EFCAB5: variants seen among roughly 807,000 people sequenced by gnomAD.
The protein encoded by EFCAB5 is EF-hand calcium binding domain 5, also known as EF-hand calcium-binding domain-containing protein 5.
A neutral mutation model predicts 167.9 loss-of-function variants in EFCAB5; 131 were observed. The ratio of observed to expected loss-of-function variants is 0.78; its 90% confidence interval spans 0.68 to 0.90. EFCAB5 has a LOEUF of 0.90. EFCAB5 is among the 40% of genes least tolerant of loss of function. The pLI is 0.00. For missense variants in EFCAB5, 1,663 were observed against 1,745.2 expected (o/e 0.95, Z 0.84); for synonymous variants, 574 against 602.8 (o/e 0.95, Z 0.70).
In EFCAB5 at chr17:30,057,610, T is replaced by C; in HGVS notation, c.2366-66T>C. 2.2e-6 allele frequency: 3 copies of C among 1,342,000 alleles called. No individual in the cohort carries two copies. In the East Asian group the frequency reaches 6.9e-5, roughly 31 times the overall value. The allele number at this position is 1,342,000 out of a possible 1,614,324, so 83.1% of individuals were successfully genotyped here. A position where few individuals can be genotyped will look rare whatever the true frequency, so the allele number is the denominator to read the frequency against. Reference sequence around the variant, plus strand: ...GGCAGATATTCATTACAATAGGCACTCATTTATTTTCCCTAACTGAAAAAA... The same window carrying C: ...GGCAGATATTCATTACAATAGGCACCCATTTATTTTCCCTAACTGAAAAAA... On this transcript the variant is annotated intron_variant, in intron 12 of 22. Coordinates refer to ENST00000394835, the MANE Select transcript of EFCAB5 (RefSeq NM_198529.4).
chr17:29,963,551 A>G (rs764571758), intron 3 of EFCAB5, among the ~76,000 whole-genome samples: 26 of 152,202 alleles, frequency 1.7e-4, no homozygotes, highest in Non-Finnish European at 3.4e-4. Context: ...GAGTAATTCT[A>G]TCCTCATAGA....
In EFCAB5 at chr17:30,055,322, GAGGAAGGAAGGAAGGAAGGA is replaced by G. The variant is rs71138869; in HGVS notation, c.2195-522_2195-503del. On this transcript the variant is annotated intron_variant, in intron 10 of 22. Transcript: ENST00000394835. The stretch of plus-strand genomic sequence containing the variant: ...GAAAGAAAGAAAGAAGAGAGAGAGA[GAGGAAGGAAGGAAGGAAGGA>G]AGGAAGGAAGGAAGGAAGGAAGGAA... 6.0e-4 allele frequency among the ~76,000 whole-genome samples: 64 copies of G among 106,818 alleles called. 1 individual carries two copies. The highest frequency in any genetic ancestry group is 1.2e-3 in the East Asian group (5 of 4,010). The allele number at this position is 106,818 out of a possible 152,430, so 70.1% of individuals were successfully genotyped here.
intron 3 of EFCAB5, among the ~76,000 whole-genome samples, chr17:29,967,888 C>CG (rs1555550276): frequency 2.2e-5 from 3 of 134,856 alleles, no homozygotes; most frequent in Non-Finnish European, 4.8e-5. Context: ...ATTTCCTCAC[C>CG]TTTTTTTTTT....
chr17:30,090,545 A>G lies in EFCAB5; in HGVS notation c.3808A>G (p.Ile1270Val). 1.9e-6 allele frequency: 3 copies of G among 1,614,010 alleles called. No homozygotes were observed. Among genetic ancestry groups the G allele is most frequent in the Non-Finnish European group, 1.7e-6 (2 of 1,179,894 alleles). ...GGCTCTGGGAGTCCTCGATTTTAAC[A>G]TCGGCCAAAATAGGATGTTGTTGTG... ...GEALGVLDFN[I>V]GQNRMLLCQE... Residue 1270 changes from isoleucine (I) to valine (V), a missense_variant, in exon 20 of 23, where the codon ATC (isoleucine) becomes GTC (valine). Transcript: ENST00000394835.
chr17:30,054,039 C>A lies in EFCAB5; in HGVS notation c.2085C>A (p.Val695=). Residue 695 remains valine (V), a synonymous_variant, in exon 10 of 23, where the codon GTC becomes GTA. Transcript: ENST00000394835. ...CTATAACCTCTGAGTACATTGAAGT[C>A]CCTCTACAGGAAAAGAGGTCTTGGG... ...GEPITSEYIE[V]PLQEKRSWEQ... 6.2e-7 allele frequency: 1 copy of A among 1,604,774 alleles called. No individual in the cohort carries two copies. The highest frequency in any genetic ancestry group is 8.5e-7 in the Non-Finnish European group (1 of 1,174,952).
intron 3 of EFCAB5, among the ~76,000 whole-genome samples, chr17:29,965,737 C>T (rs1253900550): frequency 6.6e-6 from 1 of 152,144 alleles, no homozygotes; most frequent in Non-Finnish European, 1.5e-5. Context: ...ATCAATTGGT[C>T]ATAGATGTAT....
chr17:30,068,289 G>A (rs2070632284), intron 14 of EFCAB5, among the ~76,000 whole-genome samples: 2 of 150,296 alleles, frequency 1.3e-5, no homozygotes, highest in Admixed American at 6.6e-5. Context: ...GCAACAGAGT[G>A]AGACTCCATC....
At chr17:29,997,464 G>A (rs996404392) in intron 6 of EFCAB5, among the ~76,000 whole-genome samples, 1 of 150,712 alleles carries the variant, frequency 6.6e-6, no homozygotes, top group Middle Eastern at 3.5e-3. Context: ...TATATATATA[G>A]AATTCCCAGA....
At chr17:29,974,808 G>A (rs2068031911) in intron 4 of EFCAB5, among the ~76,000 whole-genome samples, 1 of 152,110 alleles carries the variant, frequency 6.6e-6, no homozygotes, top group South Asian at 2.1e-4. Context: ...GCATGGCTGT[G>A]TTCCAATGAA....
At chr17:30,022,817 T>C (rs999593281) in intron 7 of EFCAB5, among the ~76,000 whole-genome samples, 1 of 151,992 alleles carries the variant, frequency 6.6e-6, no homozygotes, top group African/African-American at 2.4e-5. Flanking sequence ...GAACAGAAAT[T>C]ATAACAAACT....
chr17:29,995,182 C>T (rs527427756), intron 5 of EFCAB5, among the ~76,000 whole-genome samples: 8 of 152,224 alleles, frequency 5.3e-5, no homozygotes, highest in African/African-American at 1.9e-4. Context: ...CCAGCTTGCC[C>T]TTGTTTGATG....
intron 22 of EFCAB5, among the ~76,000 whole-genome samples, chr17:30,105,168 C>T (rs1352528847): frequency 6.6e-6 from 1 of 152,102 alleles, no homozygotes; most frequent in Non-Finnish European, 1.5e-5. Context: ...TATCATTTAC[C>T]TTGCAGGGTT....
intron 4 of EFCAB5, among the ~76,000 whole-genome samples, chr17:29,983,093 C>T (rs1243914938): frequency 2.0e-5 from 3 of 152,192 alleles, no homozygotes; most frequent in African/African-American, 4.8e-5. Context: ...TTGAGCTGGG[C>T]TCATGGCCCA....
intron 4 of EFCAB5, among the ~76,000 whole-genome samples, chr17:29,992,182 A>G (rs1207580547): frequency 6.6e-6 from 1 of 152,006 alleles, no homozygotes; most frequent in Non-Finnish European, 1.5e-5. Flanking sequence ...CTCTGCTTCT[A>G]TGTGCTTGTT....
rs149991364 is a variant in EFCAB5 at position 30,080,381 on chromosome 17, G to T, written c.3197+140G>T. 4.7e-5 allele frequency: 40 copies of T among 854,958 alleles called. No individual in the cohort carries two copies. In the African/African-American group the frequency reaches 6.2e-4, roughly 13 times the overall value. The allele number at this position is 854,958 out of a possible 1,614,324, so 53.0% of individuals were successfully genotyped here. On this transcript the variant is annotated intron_variant, in intron 16 of 22. Coordinates refer to ENST00000394835, the MANE Select transcript of EFCAB5 (RefSeq NM_198529.4). ...CAGTGCTTCTGGAGTAGAAGCTGATGGCTTCCAGTCCTGGATGATTTCACT... is the reference window on the plus strand; with the variant it reads ...CAGTGCTTCTGGAGTAGAAGCTGATTGCTTCCAGTCCTGGATGATTTCACT...
At chr17:29,994,198 G>A (rs1196200949) in intron 5 of EFCAB5, among the ~76,000 whole-genome samples, 1 of 130,508 alleles carries the variant, frequency 7.7e-6, no homozygotes, top group South Asian at 2.5e-4. Flanking sequence ...TATCACACGT[G>A]CACACACACG....
rs117277062 is a variant in EFCAB5 at position 29,989,938 on chromosome 17, G to A, written c.768-3227G>A. ...TTGAAGCAGTTCCTACAAACCTTGC[G>A]AATTTTTTCCTAGTCCTACACCAGG... On this transcript the variant is annotated intron_variant, in intron 4 of 22. Coordinates refer to ENST00000394835, the MANE Select transcript of EFCAB5 (RefSeq NM_198529.4). 1.6e-3 allele frequency among the ~76,000 whole-genome samples: 236 copies of A among 152,138 alleles called. 2 individuals are homozygous for A. In the East Asian group the frequency reaches 0.034, roughly 22 times the overall value.
chr17:29,989,512 T>C (rs1274094377), intron 4 of EFCAB5, among the ~76,000 whole-genome samples: 2 of 152,206 alleles, frequency 1.3e-5, no homozygotes, highest in Non-Finnish European at 2.9e-5. Context: ...CTAGCTCAGC[T>C]AAGGGAATAG....
chr17:30,011,995 C>G (rs959701628), intron 7 of EFCAB5, among the ~76,000 whole-genome samples: 6 of 152,010 alleles, frequency 3.9e-5, no homozygotes, highest in African/African-American at 1.5e-4. Flanking sequence ...CTAGGAAAAA[C>G]CAGGCCATAC....
Sources: gnomAD v4.1 joint callset for allele counts (sites outside exome capture counted in the v4.1 genomes callset) on GRCh38, gnomAD v4.1.1 for gene constraint, MANE v1.5 for transcripts, NCBI Gene and HGNC (gene_info 2026-07-23, HGNC 2026-07-21) for gene names.